OR51B5: variants seen among roughly 807,000 people sequenced by gnomAD.
OR51B5 encodes the protein olfactory receptor 51B5.
For synonymous variants in OR51B5, 186 were observed against 144.8 expected (o/e 1.28, Z -2.04); for missense variants, 456 against 374.6 (o/e 1.22, Z -1.79).
chr11:5,414,958 T>A (rs1037202806), intron 1 of OR51B5, among the ~76,000 whole-genome samples: 1 of 152,068 alleles, frequency 6.6e-6, no homozygotes, highest in Non-Finnish European at 1.5e-5. Context: ...CCACCCCAAA[T>A]CAACAGAATA....
At chr11:5,379,469 T>TA (rs200916381) in intron 1 of OR51B5, among the ~76,000 whole-genome samples, 4,762 of 127,912 alleles carry the variant, frequency 0.037, 247 homozygotes, top group African/African-American at 0.12. Context: ...ATAATAATAA[T>TA]AAATAAAATA....
chr11:5,342,252 T>A (rs1249837060), downstream of OR51B5, among the ~76,000 whole-genome samples: 1 of 152,210 alleles, frequency 6.6e-6, no homozygotes, highest in Non-Finnish European at 1.5e-5. Context: ...ATTTTTATGA[T>A]TCTGTTCCTA....
intron 1 of OR51B5, among the ~76,000 whole-genome samples, chr11:5,356,044 C>A (rs1256174759): frequency 6.6e-6 from 1 of 151,972 alleles, no homozygotes; most frequent in Non-Finnish European, 1.5e-5. Flanking sequence ...AGCAGAAAAA[C>A]TGGAAACTCT....
intron 1 of OR51B5, among the ~76,000 whole-genome samples, chr11:5,401,002 G>T (rs1849959775): frequency 6.6e-6 from 1 of 152,186 alleles, no homozygotes; most frequent in Non-Finnish European, 1.5e-5. Flanking sequence ...GTGTTTGTGT[G>T]CATTTGGGTG....
chr11:5,379,237 C>CA (rs1287471698), intron 1 of OR51B5, among the ~76,000 whole-genome samples: 1 of 152,032 alleles, frequency 6.6e-6, no homozygotes, highest in East Asian at 1.9e-4. Flanking sequence ...CACATATTCT[C>CA]ACTCATAGAT....
chr11:5,465,190 A>G (rs1851120318), intron 1 of OR51B5, among the ~76,000 whole-genome samples: 1 of 107,964 alleles, frequency 9.3e-6, no homozygotes, highest in South Asian at 3.2e-4. Flanking sequence ...TGGGCGACAG[A>G]GCGAGACTCC....
intron 1 of OR51B5, among the ~76,000 whole-genome samples, chr11:5,491,931 A>G (rs2133815723): frequency 6.6e-6 from 1 of 152,320 alleles, no homozygotes; most frequent in Non-Finnish European, 1.5e-5. Flanking sequence ...AGCCTTAAAC[A>G]GTCCTTCTCC....
intron 1 of OR51B5, among the ~76,000 whole-genome samples, chr11:5,397,907 T>C (rs1849903588): frequency 6.7e-6 from 1 of 149,176 alleles, no homozygotes; most frequent in South Asian, 2.1e-4. Context: ...TGTAGGGACA[T>C]GGATGAAGCT....
chr11:5,405,518 C>T (rs1482108373), intron 1 of OR51B5, among the ~76,000 whole-genome samples: 1 of 117,448 alleles, frequency 8.5e-6, no homozygotes, highest in African/African-American at 3.0e-5. Flanking sequence ...ACTCAAAGAA[C>T]TTAGAAAGAA....
At chr11:5,402,024 T>C (rs779118397) in intron 1 of OR51B5, among the ~76,000 whole-genome samples, 6 of 151,356 alleles carry the variant, frequency 4.0e-5, no homozygotes, top group Non-Finnish European at 7.4e-5. Context: ...TTCTTTTCTC[T>C]TCCTTTTTCT....
chr11:5,380,549 G>T (rs1394087725), intron 1 of OR51B5, among the ~76,000 whole-genome samples: 1 of 152,154 alleles, frequency 6.6e-6, no homozygotes, highest in Non-Finnish European at 1.5e-5. Context: ...TGAGAACCCT[G>T]TGAGTAAGGA....
intron 1 of OR51B5, chr11:5,431,438 A>T (rs1296882009): frequency 4.8e-6 from 1 of 208,290 alleles, no homozygotes; most frequent in Non-Finnish European, 9.8e-6. Flanking sequence ...CATGTAGGGC[A>T]GAGTCTTCCT....
chr11:5,504,248 G>A (rs1158577349), intron 1 of OR51B5, among the ~76,000 whole-genome samples: 2 of 152,084 alleles, frequency 1.3e-5, no homozygotes, highest in Non-Finnish European at 2.9e-5. Flanking sequence ...TTATGGTTTG[G>A]ATAACTTTCT....
rs1849086537 is a variant in OR51B5 at position 5,351,537 on chromosome 11, CCAGCTTA to C, written n.85-4634_85-4628del. The C allele has an allele frequency of 5.6e-6, 9 of 1,613,330 alleles. No homozygotes were observed. In the South Asian group the frequency reaches 9.9e-5, roughly 18 times the overall value. On this transcript the variant is annotated intron_variant and non_coding_transcript_variant, in intron 1 of 4. Coordinates refer to the OR51B5 transcript ENST00000415970. Reference sequence around the variant, plus strand: ...GGCTCAATAAGTCTGCTTCCACCTTCCAGCTTACTGGCTTCCCAGGCATGGAGAAGGC... The same window carrying C: ...GGCTCAATAAGTCTGCTTCCACCTTCCTGGCTTCCCAGGCATGGAGAAGGC...
intron 1 of OR51B5, among the ~76,000 whole-genome samples, chr11:5,414,617 G>A (rs1850207619): frequency 6.8e-6 from 1 of 145,986 alleles, no homozygotes; most frequent in Admixed American, 6.8e-5. Flanking sequence ...AACAAAAAAA[G>A]GCAGGGGTTG....
At chr11:5,409,790 C>G (rs543327109) in intron 1 of OR51B5, among the ~76,000 whole-genome samples, 3 of 152,180 alleles carry the variant, frequency 2.0e-5, no homozygotes, top group Admixed American at 2.0e-4. Flanking sequence ...TAAAACGCAT[C>G]AATCCATATA....
At position 5,358,687 on chromosome 11, in the gene OR51B5, C is replaced by T. The variant is rs192917996; in HGVS notation, n.85-11777G>A. ...ATACCAAAGCCGGGCAGAGACACAA[C>T]AAAAAAAGAGAATTTTAGACCAATA... On this transcript the variant is annotated intron_variant and non_coding_transcript_variant, in intron 1 of 4. Coordinates refer to the OR51B5 transcript ENST00000415970. Among the ~76,000 whole-genome samples the T allele has an allele frequency of 3.4e-3, 510 of 151,640 alleles. 5 individuals are homozygous for T. Among genetic ancestry groups the T allele is most frequent in the African/African-American group, 0.011 (474 of 41,344 alleles).
chr11:5,430,930 T>G (rs780458315), intron 1 of OR51B5: 4 of 456,802 alleles, frequency 8.8e-6, no homozygotes, highest in Non-Finnish European at 1.8e-5. Context: ...CATCACTGTA[T>G]AAAGAATCAA....
chr11:5,413,072 C>T lies in OR51B5; in HGVS notation n.85-66162G>A, dbSNP rs370847729. On this transcript the variant is annotated intron_variant and non_coding_transcript_variant, in intron 1 of 4. Transcript: ENST00000415970. ...GACTGACACCTCACACGGCCTGATA[C>T]TCCTCTGAGACAAAACTTCCAGAGG... 1.7e-3 allele frequency among the ~76,000 whole-genome samples: 253 copies of T among 152,330 alleles called. 1 individual carries two copies. Among genetic ancestry groups the T allele is most frequent in the African/African-American group, 5.8e-3 (240 of 41,566 alleles).
Sources: allele counts gnomAD v4.1 joint callset (sites outside exome capture counted in the v4.1 genomes callset), GRCh38; gene constraint gnomAD v4.1.1; transcripts MANE v1.5; gene names NCBI Gene and HGNC (gene_info 2026-07-23, HGNC 2026-07-21).